Variants in MRPL48 observed in about 807,000 individuals in gnomAD.
MRPL48 encodes large ribosomal subunit protein mL48.
A neutral mutation model predicts 32.9 loss-of-function variants in MRPL48; 16 were observed. The observed-to-expected ratio is 0.49, with a 90% CI of 0.33 to 0.74. The LOEUF is 0.74. Among genes scored for constraint, MRPL48 ranks in the 30% least tolerant of loss-of-function variants. MRPL48 has a pLI of 0.02. For synonymous variants in MRPL48, 94 were observed against 89.2 expected (o/e 1.05, Z -0.31); for missense variants, 206 against 245.3 (o/e 0.84, Z 1.07).
chr11:73,853,318 T>C (rs919004112), intron 5 of MRPL48, among the ~76,000 whole-genome samples: 39 of 152,200 alleles, frequency 2.6e-4, no homozygotes, highest in Admixed American at 5.2e-4. Context: ...GAGATTCTTA[T>C]GCATTGTATG....
At chr11:73,836,010 T>G (rs1426829377) in intron 4 of MRPL48, among the ~76,000 whole-genome samples, 1 of 152,168 alleles carries the variant, frequency 6.6e-6, no homozygotes. Flanking sequence ...CTTGGCTCAC[T>G]GCAACCTTTT....
intron 3 of MRPL48, among the ~76,000 whole-genome samples, chr11:73,812,271 G>A (rs991078386): frequency 6.6e-6 from 1 of 152,058 alleles, no homozygotes; most frequent in African/African-American, 2.4e-5. Context: ...TATATATGAA[G>A]ATTTATATTA....
At chr11:73,856,084 G>T (rs1185681385) in intron 5 of MRPL48, among the ~76,000 whole-genome samples, 1 of 152,180 alleles carries the variant, frequency 6.6e-6, no homozygotes, top group African/African-American at 2.4e-5. Context: ...TGTTGATTTG[G>T]ATTGAATTCT....
In MRPL48 at chr11:73,859,990, C is replaced by T; in HGVS notation, c.455C>T (p.Thr152Ile). ...ATGCTCCTGGACTCAGTGCTTACCA[C>T]CCATGAGCGAGTGGTTCAGGTAGGC... ...SKMLLDSVLTTHERVVQISGL... is the reference protein window; with the variant it reads ...SKMLLDSVLTIHERVVQISGL... Residue 152 changes from threonine (T) to isoleucine (I), a missense_variant, in exon 6 of 8, where the codon ACC (threonine) becomes ATC (isoleucine). Transcript: ENST00000310614. 3 of 1,613,600 alleles carry T rather than the reference C, an allele frequency of 1.9e-6. No individual in the cohort carries two copies. The highest frequency in any genetic ancestry group is 2.5e-6 in the Non-Finnish European group (3 of 1,179,766).
chr11:73,812,177 C>T (rs77270349), intron 3 of MRPL48, among the ~76,000 whole-genome samples: 12,527 of 152,064 alleles, frequency 0.082, 655 homozygotes, highest in East Asian at 0.18. Flanking sequence ...TGAGCCACCG[C>T]GCCCGGCCCT....
chr11:73,791,194 T>G (rs1365498817), intron 1 of MRPL48, among the ~76,000 whole-genome samples: 1 of 151,960 alleles, frequency 6.6e-6, no homozygotes, highest in Non-Finnish European at 1.5e-5. Flanking sequence ...CCGCTGCTTT[T>G]TCTTTTCTGA....
At chr11:73,839,951 G>T (rs12801268) in intron 4 of MRPL48, among the ~76,000 whole-genome samples, 8,356 of 151,600 alleles carry the variant, frequency 0.055, 256 homozygotes, top group Middle Eastern at 0.11. Context: ...TTTTAAAAAT[G>T]AGCCAGGCAT....
At chr11:73,848,693 C>CT (rs1948338393) in intron 5 of MRPL48, among the ~76,000 whole-genome samples, 1 of 152,068 alleles carries the variant, frequency 6.6e-6, no homozygotes, top group African/African-American at 2.4e-5. Flanking sequence ...CATTTACTCC[C>CT]TACCTACCTG....
At chr11:73,800,014 C>T (rs1947327767) in intron 1 of MRPL48, among the ~76,000 whole-genome samples, 1 of 152,092 alleles carries the variant, frequency 6.6e-6, no homozygotes, top group African/African-American at 2.4e-5. Flanking sequence ...CTTACCAAAC[C>T]TATAACTTTG....
At chr11:73,790,081 T>C (rs1338242619) in intron 1 of MRPL48, among the ~76,000 whole-genome samples, 1 of 127,008 alleles carries the variant, frequency 7.9e-6, no homozygotes, top group Non-Finnish European at 1.7e-5. Context: ...TTTTTTTTTT[T>C]TTTTTTGAGA....
chr11:73,815,500 T>C (rs934488720), intron 3 of MRPL48, among the ~76,000 whole-genome samples: 2 of 102,246 alleles, frequency 2.0e-5, no homozygotes, highest in African/African-American at 7.6e-5. Context: ...CTGGGATTTT[T>C]AAGTTTTTTA....
chr11:73,814,219 C>G (rs1354819023), intron 3 of MRPL48, among the ~76,000 whole-genome samples: 2 of 151,114 alleles, frequency 1.3e-5, no homozygotes, highest in African/African-American at 2.4e-5. Flanking sequence ...AGGGAGACTC[C>G]ATCTCTACAA....
chr11:73,807,631 CTTTTTTT>C (rs777408873), intron 2 of MRPL48, among the ~76,000 whole-genome samples: 14 of 106,822 alleles, frequency 1.3e-4, no homozygotes, highest in Middle Eastern at 5.5e-3. Flanking sequence ...GTATTATTAT[CTTTTTTT>C]TTTTTTTTTT....
chr11:73,841,590 A>G (rs1948187052), intron 4 of MRPL48, among the ~76,000 whole-genome samples: 1 of 152,176 alleles, frequency 6.6e-6, no homozygotes, highest in Non-Finnish European at 1.5e-5. Context: ...ATGCAAAATA[A>G]CTCTATGGTT....
intron 3 of MRPL48, among the ~76,000 whole-genome samples, chr11:73,823,404 A>G (rs1243197762): frequency 1.3e-5 from 2 of 152,172 alleles, no homozygotes; most frequent in Non-Finnish European, 1.5e-5. Context: ...ATACACACAC[A>G]TACACATGTT....
intron 5 of MRPL48, chr11:73,851,129 C>A: frequency 2.2e-6 from 1 of 458,956 alleles, no homozygotes. Context: ...TTTCTGTCAT[C>A]ACTTGTCCTT....
chr11:73,814,257 G>A (rs113328749), intron 3 of MRPL48, among the ~76,000 whole-genome samples: 2 of 151,880 alleles, frequency 1.3e-5, no homozygotes, highest in African/African-American at 4.8e-5. Context: ...TGGTGGGATA[G>A]CGAGTGCCTG....
At chr11:73,814,396 A>G (rs1420537602) in intron 3 of MRPL48, among the ~76,000 whole-genome samples, 2 of 150,940 alleles carry the variant, frequency 1.3e-5, no homozygotes, top group African/African-American at 4.9e-5. Context: ...TGTCTCAAAA[A>G]GAAAAAAAAA....
At chr11:73,846,693 GTC>G (rs1031342184) in intron 5 of MRPL48, among the ~76,000 whole-genome samples, 12 of 149,142 alleles carry the variant, frequency 8.0e-5, no homozygotes, top group African/African-American at 3.0e-4. Context: ...TAGAGACATG[GTC>G]TCTCTCTCCC....
Sources: gnomAD v4.1 joint callset for allele counts (sites outside exome capture counted in the v4.1 genomes callset) on GRCh38, gnomAD v4.1.1 for gene constraint, MANE v1.5 for transcripts, NCBI Gene and HGNC (gene_info 2026-07-23, HGNC 2026-07-21) for gene names.